The following PCDHGA12 variants were observed in gnomAD, a reference collection of about 807,000 sequenced individuals.
The protein encoded by PCDHGA12 is protocadherin gamma-A12.
Under a neutral mutation model 61.1 loss-of-function variants are expected in PCDHGA12, and 43 were observed. The ratio of observed to expected loss-of-function variants is 0.70; its 90% CI spans 0.55 to 0.91. PCDHGA12 has a LOEUF of 0.91. PCDHGA12 is among the 40% of genes least tolerant of loss of function. The pLI is 0.00. For synonymous variants in PCDHGA12, 520 were observed against 542.9 expected (o/e 0.96, Z 0.59); for missense variants, 1,236 against 1,227.7 (o/e 1.01, Z -0.10).
Position 141,510,956 on chromosome 5 carries a change from A to T in PCDHGA12, c.2582A>T (p.Asp861Val). 1 of 1,614,104 alleles carries T rather than the reference A, an allele frequency of 6.2e-7. No homozygotes were observed. The highest frequency in any genetic ancestry group is 8.5e-7 in the Non-Finnish European group (1 of 1,179,996). The change falls in exon 4 of 4, where the codon GAT becomes GTT. Residue 861 changes from aspartate to valine, a missense_variant. Asp to Val is a radical substitution (Grantham distance 152). Transcript: ENST00000252085. ...MILASASEAA[D>V]GSSTLGGGAG... ...TCCTCTGTCTCTGCAGAAGCTGCTG[A>T]TGGGAGCTCCACCCTGGGAGGGGGT...
At position 141,512,644 on chromosome 5, in the gene PCDHGA12, G is replaced by T. The variant is rs1283774989; in HGVS notation, c.*1471G>T. Reference sequence around the variant, plus strand: ...ACCCCAGACCTGCCCTTACAGTAGTGTAGCGCCCCCTCCCTCTTTCGGCTG... The same window carrying T: ...ACCCCAGACCTGCCCTTACAGTAGTTTAGCGCCCCCTCCCTCTTTCGGCTG... On this transcript the variant is annotated 3_prime_UTR_variant, in exon 4 of 4. Coordinates refer to ENST00000252085, the MANE Select transcript of PCDHGA12 (RefSeq NM_003735.3). 1 of 152,528 alleles carries T rather than the reference G, an allele frequency of 6.6e-6. No individual in the cohort carries two copies. The allele number at this position is 152,528 out of a possible 1,614,324, so 9.4% of individuals were successfully genotyped here.
intron 1 of PCDHGA12, among the ~76,000 whole-genome samples, chr5:141,481,259 C>T (rs1176419744): frequency 1.3e-5 from 2 of 152,146 alleles, no homozygotes; most frequent in African/African-American, 4.8e-5. Context: ...TCTAAAAGAT[C>T]ACTGTAGGAA....
chr5:141,494,037 T>C (rs2099751443), intron 1 of PCDHGA12, among the ~76,000 whole-genome samples: 1 of 152,146 alleles, frequency 6.6e-6, no homozygotes, highest in South Asian at 2.1e-4. Context: ...GAGACTTAGT[T>C]GGCCCTGCTT....
chr5:141,468,981 A>G (rs1209945826), intron 1 of PCDHGA12, among the ~76,000 whole-genome samples: 4 of 151,852 alleles, frequency 2.6e-5, no homozygotes, highest in East Asian at 1.9e-4. Context: ...TTTGACTTCC[A>G]AAATTATTGT....
In PCDHGA12 at chr5:141,477,510, A is replaced by G; in HGVS notation, c.2425-17297A>G. On this transcript the variant is annotated intron_variant, in intron 1 of 3. Transcript: ENST00000252085. This position sits in a 1 kb window ranked among gnomAD's most constrained non-coding sequence, Gnocchi z 4.9. ...TCTTCTCAATCTTCCTACGACGTTT[A>G]CATTGAAGAAAACAACCTCCCCGGG... is the stretch of plus-strand genomic sequence containing the variant. 3 of 1,614,172 alleles carry G rather than the reference A, an allele frequency of 1.9e-6. No homozygotes were observed. Among genetic ancestry groups the G allele is most frequent in the Non-Finnish European group, 2.5e-6 (3 of 1,180,018 alleles).
In PCDHGA12 at chr5:141,490,963, G is replaced by GC; in HGVS notation, c.2425-3838dup. 6.2e-7 allele frequency: 1 copy of GC among 1,613,760 alleles called. No individual in the cohort carries two copies. On this transcript the variant is annotated intron_variant, in intron 1 of 3. Transcript: ENST00000252085. This position sits in a 1 kb window ranked among gnomAD's most constrained non-coding sequence, Gnocchi z 5.4. ...CCCACGGCCAGACTGGGAACACTCA[G>GC]CCCCCCAGCGTCTCCCTCGCTCTGC...
At chr5:141,434,920 A>G (rs927245955) in intron 1 of PCDHGA12, among the ~76,000 whole-genome samples, 3 of 151,796 alleles carry the variant, frequency 2.0e-5, no homozygotes, top group East Asian at 1.9e-4. Flanking sequence ...ATTTATGTAC[A>G]TATATTTTAT....
intron 1 of PCDHGA12, among the ~76,000 whole-genome samples, chr5:141,484,544 A>G (rs1160398392): frequency 6.6e-6 from 1 of 152,144 alleles, no homozygotes; most frequent in Non-Finnish European, 1.5e-5. Flanking sequence ...CAGTGGTTCT[A>G]ATTAGCAGTT....
intron 1 of PCDHGA12, among the ~76,000 whole-genome samples, chr5:141,484,720 G>A (rs1458277947): frequency 2.6e-5 from 4 of 151,988 alleles, no homozygotes; most frequent in African/African-American, 7.2e-5. Flanking sequence ...GAAAAGGGGC[G>A]GGGTCAGTCG....
At chr5:141,479,953 CAGTT>C (rs1198160373) in intron 1 of PCDHGA12, among the ~76,000 whole-genome samples, 1 of 152,182 alleles carries the variant, frequency 6.6e-6, no homozygotes, top group African/African-American at 2.4e-5. Flanking sequence ...TTGGATTTGG[CAGTT>C]AGTCAAATGA....
intron 1 of PCDHGA12, among the ~76,000 whole-genome samples, chr5:141,475,250 A>G (rs941738675): frequency 6.6e-6 from 1 of 152,246 alleles, no homozygotes; most frequent in Non-Finnish European, 1.5e-5. Context: ...AGTGTGCTCT[A>G]CAACTGAGAT....
At position 141,476,565 on chromosome 5, in the gene PCDHGA12, C is replaced by A; in HGVS notation, c.2425-18242C>A. 1 of 1,614,184 alleles carries A rather than the reference C, an allele frequency of 6.2e-7. No homozygotes were observed. ...TTGGAGATTAGCGAGGCCGTGGCTC[C>A]GGGGACGCGCTTTCCGCTCGAGAGC... On this transcript the variant is annotated intron_variant, in intron 1 of 3. Coordinates refer to ENST00000252085, the MANE Select transcript of PCDHGA12 (RefSeq NM_003735.3). The surrounding 1 kb of genome is among the most constrained non-coding windows in gnomAD (Gnocchi z 7.6).
At chr5:141,465,504 G>T (rs2099104593) in intron 1 of PCDHGA12, among the ~76,000 whole-genome samples, 2 of 152,152 alleles carry the variant, frequency 1.3e-5, no homozygotes. Context: ...GCATTGTCGT[G>T]GTCAGGAAGG....
intron 1 of PCDHGA12, among the ~76,000 whole-genome samples, chr5:141,461,267 T>C (rs2099012147): frequency 6.6e-6 from 1 of 152,140 alleles, no homozygotes; most frequent in Admixed American, 6.6e-5. Flanking sequence ...AATGTGTAAG[T>C]GTTCTCTTTT....
intron 1 of PCDHGA12, among the ~76,000 whole-genome samples, chr5:141,457,459 C>G (rs749463185): frequency 1.6e-4 from 24 of 152,166 alleles, no homozygotes; most frequent in Non-Finnish European, 3.4e-4. Context: ...CCACTTGATT[C>G]ACAGGAATAA....
chr5:141,481,475 C>T (rs1423011632), intron 1 of PCDHGA12, among the ~76,000 whole-genome samples: 1 of 152,200 alleles, frequency 6.6e-6, no homozygotes, highest in Non-Finnish European at 1.5e-5. Context: ...TTGGATTATA[C>T]ACTTTAAATA....
Position 141,487,691 on chromosome 5 carries a change from A to T in PCDHGA12, c.2425-7116A>T. On this transcript the variant is annotated intron_variant, in intron 1 of 3. Transcript: ENST00000252085. The surrounding 1 kb of genome is among the most constrained non-coding windows in gnomAD (Gnocchi z 5.0). ...CATATGGCTAGGCCATGTCCTAGAG[A>T]GTACTGGCCTCTCAGTAAGTGCCCA... 6.2e-7 allele frequency: 1 copy of T among 1,604,122 alleles called. No individual in the cohort carries two copies. The highest frequency in any genetic ancestry group is 8.5e-7 in the Non-Finnish European group (1 of 1,174,384).
At chr5:141,509,334 G>A (rs1184232270) in intron 3 of PCDHGA12, among the ~76,000 whole-genome samples, 1 of 152,186 alleles carries the variant, frequency 6.6e-6, no homozygotes, top group Non-Finnish European at 1.5e-5. Flanking sequence ...ACTGCCAGCT[G>A]GGCCTGGGCT....
Position 141,494,880 on chromosome 5 carries a change from C to T in PCDHGA12, c.2483+15C>T. On this transcript the variant is annotated intron_variant, in intron 2 of 3. Transcript: ENST00000252085. ...GGCACCAGCGGGTAGGTGACTGATT[C>T]TCCAGCCCACCCTCTTCTCTGCGGC... 3 of 1,614,158 alleles carry T rather than the reference C, an allele frequency of 1.9e-6. No homozygotes were observed. Among genetic ancestry groups the T allele is most frequent in the Non-Finnish European group, 1.7e-6 (2 of 1,180,012 alleles).
Sources: gnomAD v4.1 joint callset for allele counts (sites outside exome capture counted in the v4.1 genomes callset) on GRCh38, gnomAD v4.1.1 for gene constraint, Gnocchi (gnomAD v3.1) non-coding constraint, MANE v1.5 for transcripts, NCBI Gene and HGNC (gene_info 2026-07-23, HGNC 2026-07-21) for gene names.